ZNF761: variants seen among roughly 807,000 people sequenced by gnomAD.
ZNF761 encodes zinc finger protein 761.
ZNF761 carries 43 observed loss-of-function variants against 59.9 expected under a neutral mutation model. The ratio of observed to expected loss-of-function variants is 0.72; its 90% CI spans 0.56 to 0.92. ZNF761 has a LOEUF of 0.92. ZNF761 is among the 40% of genes least tolerant of loss of function. ZNF761 has a pLI of 0.00. For missense variants in ZNF761, 850 were observed against 906.1 expected, an observed-to-expected ratio of 0.94 and a Z score of 0.79; for synonymous variants, 294 against 304.8, an observed-to-expected ratio of 0.96 and a Z score of 0.37.
chr19:53,456,924 C>A lies in ZNF761; in HGVS notation c.*176C>A. 1.2e-6 allele frequency: 1 copy of A among 804,278 alleles called. No individual in the cohort carries two copies. 49.8% of individuals were successfully genotyped at this position (804,278 alleles called of 1,614,324 possible). A position where few individuals can be genotyped will look rare whatever the true frequency, so the allele number is the denominator to read the frequency against. On this transcript the variant is annotated 3_prime_UTR_variant, in exon 5 of 5. Coordinates refer to ENST00000684525, the MANE Select transcript of ZNF761 (RefSeq NM_001289951.2). Reference sequence around the variant, plus strand: ...AAGCTTATAAATGTGAAGAATGTCACAAAGTTTACAGTCGCACATCAAACC... The same window carrying A: ...AAGCTTATAAATGTGAAGAATGTCAAAAAGTTTACAGTCGCACATCAAACC...
chr19:53,442,006 A>T, intron 1 of ZNF761: 1 of 1,136,630 alleles, frequency 8.8e-7, no homozygotes, highest in Non-Finnish European at 1.3e-6. Flanking sequence ...CAGAGGCTGA[A>T]GTGGCCTCCG....
intron 3 of ZNF761, among the ~76,000 whole-genome samples, chr19:53,447,712 T>C (rs557167654): frequency 6.6e-6 from 1 of 152,340 alleles, no homozygotes; most frequent in Non-Finnish European, 1.5e-5. Flanking sequence ...CGAGAAATGT[T>C]TTCTGCCTGA....
rs543740735 is a variant in ZNF761 at position 53,455,109 on chromosome 19, TACTC to T, written c.605_608del (p.Leu202HisfsTer8). On this transcript the variant is annotated frameshift_variant, in exon 5 of 5. Transcript: ENST00000684525. LOFTEE classifies it high-confidence loss of function. ...GGGAATAATTTCTGGAATTCTTCAT[TACTC>T]ACACAAAAACAGGAAGTACACATGA... 109 of 1,614,200 alleles carry T rather than the reference TACTC, an allele frequency of 6.8e-5. No individual in the cohort carries two copies. In the African/African-American group the frequency reaches 1.3e-3, roughly 20 times the overall value.
intron 1 of ZNF761, chr19:53,444,755 C>A (rs565509774): frequency 6.6e-6 from 1 of 152,210 alleles, no homozygotes; most frequent in Non-Finnish European, 1.5e-5. Flanking sequence ...GGACTGGCCC[C>A]CCTTCAGGGT....
intron 1 of ZNF761, chr19:53,443,930 G>A (rs2086127074): frequency 1.6e-5 from 1 of 62,470 alleles, no homozygotes; most frequent in African/African-American, 1.2e-4. Flanking sequence ...TCACAGAAAC[G>A]TACTGTGTTG....
At chr19:53,435,517 G>T (rs942418763) in intron 1 of ZNF761, among the ~76,000 whole-genome samples, 1 of 151,612 alleles carries the variant, frequency 6.6e-6, no homozygotes, top group Non-Finnish European at 1.5e-5. Flanking sequence ...TGGTGAGGCT[G>T]GTCTCGAACT....
Position 53,434,353 on chromosome 19 carries a change from A to T in ZNF761, c.-185+2325A>T, listed in dbSNP as rs141586870. Among the ~76,000 whole-genome samples, 27 of 152,210 alleles carry T rather than the reference A, an allele frequency of 1.8e-4. 1 individual carries two copies. The highest frequency in any genetic ancestry group is 5.8e-4 in the African/African-American group (24 of 41,508). ...AGTTTCTCCCTGTTGCAGTGGGAGTAAGAAGAAAGATGGTCTAATTGTTTC... is the reference window on the plus strand; with the variant it reads ...AGTTTCTCCCTGTTGCAGTGGGAGTTAGAAGAAAGATGGTCTAATTGTTTC... On this transcript the variant is annotated intron_variant, in intron 1 of 4. Coordinates refer to ENST00000684525, the MANE Select transcript of ZNF761 (RefSeq NM_001289951.2).
chr19:53,450,038 C>T (rs888415517), intron 4 of ZNF761: 33 of 424,268 alleles, frequency 7.8e-5, no homozygotes, highest in Admixed American at 4.4e-4. Flanking sequence ...GGCTTGGTGG[C>T]TCACGCCTGT....
intron 1 of ZNF761, among the ~76,000 whole-genome samples, chr19:53,434,077 T>C (rs998241598): frequency 1.3e-5 from 2 of 152,166 alleles, no homozygotes; most frequent in African/African-American, 4.8e-5. Flanking sequence ...GGCCAGTAAG[T>C]CTAATGCATT....
intron 1 of ZNF761, among the ~76,000 whole-genome samples, chr19:53,445,809 T>G (rs2086152546): frequency 6.6e-6 from 1 of 152,074 alleles, no homozygotes; most frequent in Non-Finnish European, 1.5e-5. Context: ...CTAAAGCAGG[T>G]CACGTCAGTC....
intron 4 of ZNF761, among the ~76,000 whole-genome samples, chr19:53,452,319 C>A (rs1311520425): frequency 2.6e-5 from 4 of 152,124 alleles, no homozygotes; most frequent in African/African-American, 9.7e-5. Context: ...CCTGTCTCTA[C>A]CAAAAATACA....
chr19:53,434,282 A>C (rs893708337), intron 1 of ZNF761, among the ~76,000 whole-genome samples: 5 of 152,088 alleles, frequency 3.3e-5, no homozygotes, highest in East Asian at 1.9e-4. Flanking sequence ...ATGTCTATAT[A>C]TCTTTTGTTT....
rs762882122 is a variant in ZNF761, at chr19:53,456,516, C to A, written c.2009C>A (p.Thr670Asn). ...KPYKCNECGK[T>N]FSRKSYFICH... ...TACAAGTGTAATGAGTGTGGCAAGA[C>A]CTTTAGTCGGAAGTCATATTTTATA... The change falls in exon 5 of 5, where the codon ACC becomes AAC. Residue 670 changes from threonine to asparagine, a missense_variant. Transcript: ENST00000684525. The A allele has an allele frequency of 6.2e-6, 10 of 1,611,612 alleles. 1 individual carries two copies. The Admixed American group carries it at 1.7e-4, about 27-fold the overall frequency.
intron 4 of ZNF761, among the ~76,000 whole-genome samples, chr19:53,452,518 C>T (rs1387704595): frequency 6.6e-6 from 1 of 151,954 alleles, no homozygotes; most frequent in African/African-American, 2.4e-5. Context: ...AGAATCATGC[C>T]ACTACACTCC....
intron 3 of ZNF761, among the ~76,000 whole-genome samples, chr19:53,448,399 A>T (rs2086183269): frequency 6.6e-6 from 1 of 152,088 alleles, no homozygotes; most frequent in Non-Finnish European, 1.5e-5. Flanking sequence ...TGCAGCTTAG[A>T]TTTTTTGCCA....
In ZNF761 at chr19:53,433,770, C is replaced by T. The variant is rs368683290; in HGVS notation, c.-185+1742C>T. Among the ~76,000 whole-genome samples the T allele has an allele frequency of 6.6e-5, 10 of 152,192 alleles. No individual in the cohort carries two copies. In the East Asian group the frequency reaches 1.4e-3, roughly 21 times the overall value. On this transcript the variant is annotated intron_variant, in intron 1 of 4. Transcript: ENST00000684525. ...GGAGAGGTAAGAGGTAAGGGAGTAT[C>T]AAACCAATTCTTAGTATGGCTAGAA...
chr19:53,440,868 G>A (rs964106237), intron 1 of ZNF761, among the ~76,000 whole-genome samples: 2 of 152,094 alleles, frequency 1.3e-5, no homozygotes, highest in South Asian at 2.1e-4. Context: ...GTAGAAACGC[G>A]TTTCACTACG....
rs563766143 is a variant in ZNF761, at chr19:53,438,655, G to C, written c.-185+6627G>C. 3.9e-5 allele frequency among the ~76,000 whole-genome samples: 6 copies of C among 152,268 alleles called. No individual in the cohort carries two copies. In the East Asian group the frequency reaches 9.7e-4, roughly 24 times the overall value. On this transcript the variant is annotated intron_variant, in intron 1 of 4. Coordinates refer to ENST00000684525, the MANE Select transcript of ZNF761 (RefSeq NM_001289951.2). ...TGGAATCCAGATGTGGCAGAATGTT[G>C]CTGCGTCTAAAAATTCCTATTTGTC...
At chr19:53,449,074 G>A (rs1417586012) in intron 3 of ZNF761, among the ~76,000 whole-genome samples, 4 of 152,192 alleles carry the variant, frequency 2.6e-5, no homozygotes, top group African/African-American at 9.7e-5. Context: ...GATCACGCAT[G>A]TAATTCCAGC....
Sources: allele counts gnomAD v4.1 joint callset (sites outside exome capture counted in the v4.1 genomes callset), GRCh38; gene constraint gnomAD v4.1.1; transcripts MANE v1.5; gene names NCBI Gene and HGNC (gene_info 2026-07-23, HGNC 2026-07-21).